Variants in POLR1A observed in about 807,000 individuals in gnomAD.
POLR1A encodes the protein DNA-directed RNA polymerase I subunit RPA1.
In POLR1A, 84 loss-of-function variants were observed where a neutral mutation model predicts 205.3. The observed-to-expected ratio is 0.41, with a 90% CI of 0.34 to 0.49. The LOEUF (loss-of-function observed/expected upper bound fraction) is 0.49. Ranked by LOEUF, POLR1A falls within the 20% of genes least tolerant of loss-of-function variation. The pLI, the probability that POLR1A is intolerant of heterozygous loss-of-function variation, is 0.22. For missense variants in POLR1A, 1,645 were observed against 2,204.5 expected, an observed-to-expected ratio of 0.75 and a Z score of 5.08; for synonymous variants, 799 against 863.7, an observed-to-expected ratio of 0.93 and a Z score of 1.31.
At chr2:86,067,335 G>A (rs1340853141) in intron 13 of POLR1A, among the ~76,000 whole-genome samples, 2 of 152,146 alleles carry the variant, frequency 1.3e-5, no homozygotes, top group Admixed American at 6.5e-5. Flanking sequence ...GGGTATCCCT[G>A]TAACTTGAAT....
At chr2:86,081,769 C>A in intron 7 of POLR1A, 63 bp from the exon 8 acceptor site, 1 of 927,056 alleles carries the variant, frequency 1.1e-6, no homozygotes. Flanking sequence ...CATGGGAGGA[C>A]AACCATAAAA....
intron 2 of POLR1A, 122 bp downstream of exon 2, chr2:86,099,846 A>T: frequency 1.4e-6 from 1 of 736,440 alleles, no homozygotes; most frequent in African/African-American, 1.8e-5. Flanking sequence ...ATCTCATTCT[A>T]CAGAATGCTT....
At chr2:86,077,608 G>T (rs984942283) in intron 11 of POLR1A, among the ~76,000 whole-genome samples, 2 of 152,144 alleles carry the variant, frequency 1.3e-5, no homozygotes, top group African/African-American at 2.4e-5. Flanking sequence ...CTGACTTGTT[G>T]GTAGGAGGTG....
Position 86,070,324 on chromosome 2 carries a change from C to T in POLR1A, c.1612-52G>A, listed in dbSNP as rs749970633. On this transcript the variant is annotated intron_variant, in intron 12 of 33. Coordinates refer to ENST00000263857, the MANE Select transcript of POLR1A (RefSeq NM_015425.6). This position sits in a 1 kb window ranked among gnomAD's most constrained non-coding sequence, Gnocchi z 4.4. ...ATCAGTGCAAACGTCAGTATCACCACGGCTCTTTCCAAGTGCTCACCTCAG... is the reference window on the plus strand; with the variant it reads ...ATCAGTGCAAACGTCAGTATCACCATGGCTCTTTCCAAGTGCTCACCTCAG... 2.3e-5 allele frequency: 36 copies of T among 1,538,552 alleles called. No individual in the cohort carries two copies. Among genetic ancestry groups the T allele is most frequent in the South Asian group, 2.0e-4 (16 of 80,608 alleles).
At position 86,045,360 on chromosome 2, in the gene POLR1A, C is replaced by A; in HGVS notation, c.2887G>T (p.Glu963Ter). 2 of 1,612,344 alleles carry A rather than the reference C, an allele frequency of 1.2e-6. No homozygotes were observed. The highest frequency in any genetic ancestry group is 2.2e-5 in the South Asian group (2 of 91,042). The change falls in exon 21 of 34, where the codon GAG becomes TAG. Residue 963 changes from glutamate (E) to a stop codon, truncating the protein, a stop_gained and splice_region_variant. Transcript: ENST00000263857. LOFTEE classifies it high-confidence loss of function. ...CCTGCCATGCAGTGGAAGAAGAACT[C>A]CTGCAGAGAATGGGACCCAGGTCCC... is the stretch of plus-strand genomic sequence containing the variant. ...GRFLTGIKPP[E>*]FFFHCMAGRE...
In POLR1A at chr2:86,075,108, G is replaced by A. The variant is rs1673257371; in HGVS notation, c.1533C>T (p.Asp511=). Reference sequence around the variant, plus strand: ...TGGCCACGGCCTCTCGCTGGGTCATGTCCACAGCGCTCAGGGCTGTGCGGC... The same window carrying A: ...TGGCCACGGCCTCTCGCTGGGTCATATCCACAGCGCTCAGGGCTGTGCGGC... ...DGSRTALSAV[D]MTQREAVAKQ... Residue 511 remains aspartate, a synonymous_variant, in exon 12 of 34, where the codon GAC becomes GAT. Coordinates refer to ENST00000263857, the MANE Select transcript of POLR1A (RefSeq NM_015425.6). 1 of 1,613,326 alleles carries A rather than the reference G, an allele frequency of 6.2e-7. No individual in the cohort carries two copies. Among genetic ancestry groups the A allele is most frequent in the South Asian group, 1.1e-5 (1 of 90,926 alleles).
At chr2:86,089,734 AGC>A in intron 4 of POLR1A, 86 bp downstream of exon 4, 1 of 822,576 alleles carries the variant, frequency 1.2e-6, no homozygotes, top group East Asian at 2.4e-5. Flanking sequence ...TACTTTGGGA[AGC>A]CAGAAGTATA....
intron 25 of POLR1A, 121 bp from the exon 26 acceptor site, chr2:86,039,583 G>A: frequency 8.7e-7 from 1 of 1,151,116 alleles, no homozygotes; most frequent in Middle Eastern, 2.2e-4. Flanking sequence ...GGATCTCACA[G>A]GGATAATATG....
chr2:86,041,184 T>TCAC (rs1558765363), intron 24 of POLR1A, among the ~76,000 whole-genome samples: 13 of 123,252 alleles, frequency 1.1e-4, no homozygotes, highest in African/African-American at 4.4e-4. Context: ...TGTGTGTGTG[T>TCAC]GTGTGTGCGC....
chr2:86,090,195 A>T (rs1207484261), intron 3 of POLR1A, among the ~76,000 whole-genome samples: 1 of 152,074 alleles, frequency 6.6e-6, no homozygotes, highest in Non-Finnish European at 1.5e-5. Context: ...GGAGTTTGAG[A>T]CCAGCCTGAG....
chr2:86,078,270 C>A lies in POLR1A; in HGVS notation c.1101G>T (p.Leu367Phe). The change falls in exon 10 of 34, where the codon TTG (leucine) becomes TTT (phenylalanine). Residue 367 changes from leucine to phenylalanine, a missense_variant. This residue lies in a region of POLR1A where 78 missense variants were observed against 77.7 expected (regional missense o/e 1.00). Transcript: ENST00000263857. ...TPTTDEEKDS[L>F]IAIDRSFLST... ...TCAAAAAGGATCGGTCAATAGCAAT[C>A]AAAGAGTCTTTTTCCTGGAAGATGA... The A allele has an allele frequency of 6.4e-7, 1 of 1,569,458 alleles. No individual in the cohort carries two copies.
At chr2:86,033,133 G>C (rs1162503485) in intron 28 of POLR1A, among the ~76,000 whole-genome samples, 3 of 152,226 alleles carry the variant, frequency 2.0e-5, no homozygotes, top group Non-Finnish European at 4.4e-5. Flanking sequence ...CTGCTCCTGG[G>C]TCTCCTGGCA....
Position 86,031,475 on chromosome 2 carries a change from G to C in POLR1A, c.4433C>G (p.Ala1478Gly), listed in dbSNP as rs1672387699. Residue 1478 changes from alanine to glycine, a missense_variant, in exon 30 of 34, where the codon GCC becomes GGC. This residue lies in a region of POLR1A where 394 missense variants were observed against 468.5 expected (regional missense o/e 0.84). Coordinates refer to ENST00000263857, the MANE Select transcript of POLR1A (RefSeq NM_015425.6). Reference sequence around the variant, plus strand: ...GGGTTTCCGGGGCTGCGTCAGGAGGGCGGGAAGGGACGGGTCCTCCTCAGT... The same window carrying C: ...GGGTTTCCGGGGCTGCGTCAGGAGGCCGGGAAGGGACGGGTCCTCCTCAGT... ...LGTEEDPSLP[A>G]LLTQPRKPTH... The C allele has an allele frequency of 6.2e-7, 1 of 1,614,020 alleles. No homozygotes were observed. Among genetic ancestry groups the C allele is most frequent in the Non-Finnish European group, 8.5e-7 (1 of 1,179,938 alleles).
At chr2:86,089,062 T>C (rs931804456) in intron 4 of POLR1A, among the ~76,000 whole-genome samples, 192 bp from the exon 5 acceptor site, 2 of 152,212 alleles carry the variant, frequency 1.3e-5, no homozygotes, top group Non-Finnish European at 2.9e-5. Flanking sequence ...TCTTTAAGCC[T>C]TCAGTTTCTC....
rs1672305608 is a variant in POLR1A at position 86,028,157 on chromosome 2, C to A, written c.4898-108G>T. On this transcript the variant is annotated intron_variant, in intron 32 of 33. Transcript: ENST00000263857. The surrounding 1 kb of genome is among the most constrained non-coding windows in gnomAD (Gnocchi z 4.5). Reference sequence around the variant, plus strand: ...ATCAGCACATGGCTTGGGAGTTAGACTCTGGGGCTCCCCTTCAGCTCCGCC... The same window carrying A: ...ATCAGCACATGGCTTGGGAGTTAGAATCTGGGGCTCCCCTTCAGCTCCGCC... 6 of 1,049,228 alleles carry A rather than the reference C, an allele frequency of 5.7e-6. No individual in the cohort carries two copies. Among genetic ancestry groups the A allele is most frequent in the Non-Finnish European group, 8.8e-6 (6 of 684,122 alleles). 65.0% of individuals were successfully genotyped at this position (1,049,228 alleles called of 1,614,324 possible).
At chr2:86,044,793 A>G (rs1361327108) in intron 21 of POLR1A, among the ~76,000 whole-genome samples, 1 of 152,132 alleles carries the variant, frequency 6.6e-6, no homozygotes, top group Non-Finnish European at 1.5e-5. Flanking sequence ...CTTTCTCCTC[A>G]GTTTTATCTC....
intron 18 of POLR1A, 31 bp from the exon 19 acceptor site, chr2:86,047,294 A>C (rs760227815): frequency 7.0e-7 from 1 of 1,438,136 alleles, no homozygotes; most frequent in Non-Finnish European, 9.8e-7. Context: ...GTGGTCAGTG[A>C]CTTCACCTTC....
rs1673159535 is a variant in POLR1A, at chr2:86,070,665, G to A, written c.1612-393C>T. Among the ~76,000 whole-genome samples the A allele has an allele frequency of 6.6e-6, 1 of 150,960 alleles. No individual in the cohort carries two copies. Among genetic ancestry groups the A allele is most frequent in the Non-Finnish European group, 1.5e-5 (1 of 67,862 alleles). On this transcript the variant is annotated intron_variant, in intron 12 of 33. Transcript: ENST00000263857. This position sits in a 1 kb window ranked among gnomAD's most constrained non-coding sequence, Gnocchi z 4.4. ...ATGAAGACATAACCATAAAACCACT[G>A]GGTTTGAAAGGCATTGGCAGACTTT...
chr2:86,031,567 C>T lies in POLR1A; in HGVS notation c.4341G>A (p.Glu1447=), dbSNP rs1163412053. The T allele has an allele frequency of 1.2e-6, 2 of 1,614,094 alleles. No homozygotes were observed. The highest frequency in any genetic ancestry group is 1.1e-5 in the South Asian group (1 of 91,078). ...CACCTTCCCTGTGGGGATTTCGTTC[C>T]TCCTGCATGTCTTCATCGTCGTTCT... ...GEENDDEDMQ[E]ERNPHREGAR... The change falls in exon 30 of 34, where the codon GAG becomes GAA. Residue 1447 remains glutamate (E), a synonymous_variant. Transcript: ENST00000263857.
Sources: allele counts gnomAD v4.1 joint callset (sites outside exome capture counted in the v4.1 genomes callset), GRCh38; gene constraint gnomAD v4.1.1; regional missense constraint gnomAD v4.1.1; non-coding constraint Gnocchi (gnomAD v3.1); transcripts MANE v1.5; gene names NCBI Gene and HGNC (gene_info 2026-07-23, HGNC 2026-07-21).